Variants in SLC26A7 observed in about 807,000 individuals in gnomAD.
SLC26A7 encodes the protein anion exchange transporter.
Under a neutral mutation model 82.5 loss-of-function variants are expected in SLC26A7, and 59 were observed. The observed-to-expected ratio is 0.72, with a 90% CI of 0.58 to 0.89. The LOEUF is 0.89. Among genes scored for constraint, SLC26A7 ranks in the 40% least tolerant of loss-of-function variants. The pLI, the probability that SLC26A7 is intolerant of heterozygous loss-of-function variation, is 0.00. For missense variants in SLC26A7, 820 were observed against 793.0 expected, an observed-to-expected ratio of 1.03 and a Z score of -0.41; for synonymous variants, 271 against 274.3, an observed-to-expected ratio of 0.99 and a Z score of 0.12.
chr8:91,290,185 C>G (rs141599619), intron 3 of SLC26A7, among the ~76,000 whole-genome samples: 235 of 152,152 alleles, frequency 1.5e-3, no homozygotes, highest in Non-Finnish European at 2.7e-3. Context: ...AGAGACATTT[C>G]TATTTATTTG....
chr8:91,235,590 G>T (rs1810383723), intron 2 of SLC26A7, among the ~76,000 whole-genome samples: 1 of 152,134 alleles, frequency 6.6e-6, no homozygotes, highest in Non-Finnish European at 1.5e-5. Flanking sequence ...GGGAGCCACA[G>T]AAATATTTGG....
chr8:91,378,360 T>A (rs1224017340), intron 15 of SLC26A7, among the ~76,000 whole-genome samples: 1 of 147,240 alleles, frequency 6.8e-6, no homozygotes, highest in Non-Finnish European at 1.5e-5. Flanking sequence ...CATTATAATG[T>A]ATAATTATAT....
rs756819522 is a variant in SLC26A7, at chr8:91,351,813, G to C, written c.1144G>C (p.Ala382Pro). 2.5e-6 allele frequency: 4 copies of C among 1,608,020 alleles called. No homozygotes were observed. The highest frequency in any genetic ancestry group is 1.7e-5 in the Admixed American group (1 of 59,870). ...LYSTGAKTQVACLISCIFVLI... is the reference protein window; with the variant it reads ...LYSTGAKTQVPCLISCIFVLI... ...TTGTCTGTCTTGTATTTTACAGGTG[G>C]CTTGTCTAATATCTTGCATTTTCGT... Residue 382 changes from alanine to proline, a missense_variant, in exon 10 of 19, where the codon GCT (alanine) becomes CCT (proline). Ala to Pro is a conservative substitution (Grantham distance 27). Coordinates refer to ENST00000276609, the MANE Select transcript of SLC26A7 (RefSeq NM_052832.4).
chr8:91,391,103 CTATT>C (rs1814954700), intron 16 of SLC26A7, among the ~76,000 whole-genome samples: 2 of 152,124 alleles, frequency 1.3e-5, no homozygotes, highest in Admixed American at 6.5e-5. Flanking sequence ...CCTTGTGTCT[CTATT>C]CATTTATATC....
intron 2 of SLC26A7, among the ~76,000 whole-genome samples, chr8:91,256,455 C>T (rs1221878360): frequency 6.6e-6 from 1 of 152,076 alleles, no homozygotes; most frequent in East Asian, 1.9e-4. Flanking sequence ...ATGGTAATGG[C>T]AATCTAAATG....
intron 16 of SLC26A7, among the ~76,000 whole-genome samples, chr8:91,391,718 T>C (rs1814974942): frequency 6.6e-6 from 1 of 152,176 alleles, no homozygotes; most frequent in Admixed American, 6.5e-5. Context: ...TGGGTTCTGG[T>C]TCTGACCTAG....
chr8:91,279,805 G>A (rs535964313), intron 2 of SLC26A7, among the ~76,000 whole-genome samples: 9 of 152,146 alleles, frequency 5.9e-5, no homozygotes, highest in African/African-American at 1.7e-4. Context: ...GTGTGCACCC[G>A]CCTCGGCCTC....
At chr8:91,372,491 C>T (rs1251483977) in intron 15 of SLC26A7, among the ~76,000 whole-genome samples, 2 of 151,746 alleles carry the variant, frequency 1.3e-5, no homozygotes, top group South Asian at 4.1e-4. Context: ...ATAAGCAATC[C>T]TTTCTTCATT....
chr8:91,217,890 T>C (rs1355480080), intron 1 of SLC26A7, among the ~76,000 whole-genome samples: 1 of 152,186 alleles, frequency 6.6e-6, no homozygotes, highest in Non-Finnish European at 1.5e-5. Context: ...GATAGTGCTG[T>C]GTATCCTCTA....
Position 91,210,409 on chromosome 8 carries a change from C to G in SLC26A7, c.-150+867C>G, listed in dbSNP as rs1809887499. ...ATGATGATACCATTACTCCCAATAGCTATCTTTGTATATTTGAAACACTGT... is the reference window on the plus strand; with the variant it reads ...ATGATGATACCATTACTCCCAATAGGTATCTTTGTATATTTGAAACACTGT... On this transcript the variant is annotated intron_variant, in intron 1 of 5. Coordinates refer to the SLC26A7 transcript ENST00000522862. 2.0e-5 allele frequency among the ~76,000 whole-genome samples: 3 copies of G among 152,076 alleles called. No individual in the cohort carries two copies. The South Asian group carries it at 6.2e-4, about 32-fold the overall frequency.
intron 11 of SLC26A7, among the ~76,000 whole-genome samples, chr8:91,354,608 A>G (rs1281533287): frequency 3.9e-5 from 6 of 152,170 alleles, no homozygotes; most frequent in Admixed American, 3.9e-4. Flanking sequence ...AGGAAGATGG[A>G]TCAAACTGGT....
intron 9 of SLC26A7, among the ~76,000 whole-genome samples, chr8:91,344,780 T>A (rs568173995): frequency 2.5e-3 from 374 of 152,338 alleles, no homozygotes; most frequent in Middle Eastern, 6.8e-3. Context: ...TTTTCAAGTG[T>A]AGGGTCATCT....
intron 15 of SLC26A7, among the ~76,000 whole-genome samples, chr8:91,386,184 A>G (rs577254976): frequency 1.3e-5 from 2 of 152,326 alleles, no homozygotes; most frequent in African/African-American, 2.4e-5. Context: ...AGGAAAAGCA[A>G]TGCATTGAAA....
Position 91,334,384 on chromosome 8 carries a change from T to TAC in SLC26A7, c.733_734insCA (p.Lys245ThrfsTer4). On this transcript the variant is annotated frameshift_variant, in exon 6 of 19. Transcript: ENST00000276609. LOFTEE classifies it high-confidence loss of function. ...TGAGCATTGTGGTCCTTGTTCTTGT[T>TAC]AAAGAGCTGAATGAACAGTTTAAAA... 1 of 1,613,434 alleles carries TAC rather than the reference T, an allele frequency of 6.2e-7. No individual in the cohort carries two copies. The highest frequency in any genetic ancestry group is 8.5e-7 in the Non-Finnish European group (1 of 1,179,548).
intron 7 of SLC26A7, among the ~76,000 whole-genome samples, chr8:91,339,627 GATTTATTT>G (rs60112814): frequency 0.084 from 12,326 of 146,992 alleles, 818 homozygotes; most frequent in African/African-American, 0.19. Context: ...CTGCCTGAGG[GATTTATTT>G]ATTTATTTAT....
intron 5 of SLC26A7, among the ~76,000 whole-genome samples, chr8:91,329,234 A>ATGCGTG (rs1563681875): frequency 6.6e-6 from 1 of 151,848 alleles, no homozygotes; most frequent in African/African-American, 2.4e-5. Flanking sequence ...ATATGTAAAT[A>ATGCGTG]TGTGTGTGTG....
Position 91,397,193 on chromosome 8 carries a change from T to G in SLC26A7, c.*2096T>G, listed in dbSNP as rs371250658. The G allele has an allele frequency of 6.6e-6, 1 of 152,066 alleles. No individual in the cohort carries two copies. Among genetic ancestry groups the G allele is most frequent in the Non-Finnish European group, 1.5e-5 (1 of 67,960 alleles). The allele number at this position is 152,066 out of a possible 1,614,324, so 9.4% of individuals were successfully genotyped here. On this transcript the variant is annotated 3_prime_UTR_variant, in exon 19 of 19. Coordinates refer to ENST00000276609, the MANE Select transcript of SLC26A7 (RefSeq NM_052832.4). ...TTCAATGTAAAGGAAGACCAAACCATGTACCTTATGAAGACCTTTGTTTTA... is the reference window on the plus strand; with the variant it reads ...TTCAATGTAAAGGAAGACCAAACCAGGTACCTTATGAAGACCTTTGTTTTA...
chr8:91,391,179 T>C (rs1471158671), intron 16 of SLC26A7, among the ~76,000 whole-genome samples: 2 of 152,166 alleles, frequency 1.3e-5, no homozygotes, highest in African/African-American at 4.8e-5. Context: ...TCAACATTAG[T>C]GTTGCTTTCC....
At chr8:91,299,808 T>C (rs1342318981) in intron 4 of SLC26A7, among the ~76,000 whole-genome samples, 2 of 152,206 alleles carry the variant, frequency 1.3e-5, no homozygotes, top group Non-Finnish European at 2.9e-5. Context: ...CAACTTGCAT[T>C]GGAGGAAAAG....
Sources: gnomAD v4.1 joint callset for allele counts (sites outside exome capture counted in the v4.1 genomes callset) on GRCh38, gnomAD v4.1.1 for gene constraint, MANE v1.5 for transcripts, NCBI Gene and HGNC (gene_info 2026-07-23, HGNC 2026-07-21) for gene names.